TRMT11: variants seen among roughly 807,000 people sequenced by gnomAD.
TRMT11 encodes tRNA methyltransferase 11.
Under a neutral mutation model 62.8 loss-of-function variants are expected in TRMT11, and 53 were observed. The ratio of observed to expected loss-of-function variants is 0.84; its 90% CI spans 0.68 to 1.06. The LOEUF is 1.06. TRMT11 is among the 50% of genes least tolerant of loss of function. TRMT11 has a pLI of 0.00. For missense variants in TRMT11, 556 were observed against 553.4 expected (o/e 1.00, Z -0.05); for synonymous variants, 188 against 190.3 (o/e 0.99, Z 0.10).
intron 1 of TRMT11, among the ~76,000 whole-genome samples, chr6:126,179,975 A>G (rs1157144130): frequency 2.0e-5 from 3 of 152,180 alleles, no homozygotes; most frequent in Non-Finnish European, 2.9e-5. Flanking sequence ...CAGTTTCTAT[A>G]TAAGAAAGGA....
In TRMT11 at chr6:126,079,524, G is replaced by A. The variant is rs1044827080; in HGVS notation, c.*1437+26334G>A. On this transcript the variant is annotated intron_variant and NMD_transcript_variant, in intron 17 of 22. Transcript: ENST00000648977. ...AAGATATCTTCTTCACTAAGACTTCGATTTTTAAAAATTTTATTTCTTGTT... is the reference window on the plus strand; with the variant it reads ...AAGATATCTTCTTCACTAAGACTTCAATTTTTAAAAATTTTATTTCTTGTT... Among the ~76,000 whole-genome samples, 3 of 152,090 alleles carry A rather than the reference G, an allele frequency of 2.0e-5. 1 individual carries two copies. The highest frequency in any genetic ancestry group is 7.2e-5 in the African/African-American group (3 of 41,412).
chr6:126,174,992 G>C (rs1445486301), upstream of TRMT11, among the ~76,000 whole-genome samples: 1 of 152,182 alleles, frequency 6.6e-6, no homozygotes, highest in Non-Finnish European at 1.5e-5. Context: ...GTATCAAAAG[G>C]AGCATATTGT....
intron 21 of TRMT11, among the ~76,000 whole-genome samples, chr6:126,137,558 G>A (rs1583886026): frequency 6.6e-6 from 1 of 151,682 alleles, no homozygotes. Context: ...GAAAACAGTA[G>A]GAGGTTCCTC....
intron 3 of TRMT11, among the ~76,000 whole-genome samples, chr6:125,997,536 A>G (rs1187420729): frequency 2.6e-5 from 4 of 152,250 alleles, no homozygotes; most frequent in African/African-American, 7.2e-5. Context: ...ATGACAGAGT[A>G]TCACTCTGTT....
At chr6:126,199,973 T>C (rs943629501) in intron 3 of TRMT11, 2 of 152,124 alleles carry the variant, frequency 1.3e-5, no homozygotes, top group Non-Finnish European at 2.9e-5. Flanking sequence ...AATGCACTGA[T>C]GGGTAACATG....
intron 1 of TRMT11, among the ~76,000 whole-genome samples, chr6:126,178,485 T>A (rs1300928371): frequency 6.6e-6 from 1 of 152,192 alleles, no homozygotes; most frequent in Non-Finnish European, 1.5e-5. Context: ...AGAGTCTACC[T>A]CCCAGGGAAA....
chr6:126,229,733 C>T, the TRMT11 span, among the ~76,000 whole-genome samples: 3 of 152,148 alleles, frequency 2.0e-5, no homozygotes, highest in African/African-American at 7.2e-5. Context: ...TTCTTTCCTA[C>T]CTTAGTCGGC....
chr6:126,238,051 G>A, the TRMT11 span, among the ~76,000 whole-genome samples: 1 of 152,034 alleles, frequency 6.6e-6, no homozygotes, highest in East Asian at 1.9e-4. Flanking sequence ...TGGGATCGGT[G>A]GTGATATCCC....
intron 17 of TRMT11, among the ~76,000 whole-genome samples, chr6:126,107,927 G>A (rs1347463961): frequency 1.3e-5 from 2 of 152,236 alleles, no homozygotes; most frequent in South Asian, 2.1e-4. Context: ...GTTTGGCATA[G>A]GGTGCCAAGG....
chr6:126,236,185 T>C, the TRMT11 span, among the ~76,000 whole-genome samples: 1 of 152,230 alleles, frequency 6.6e-6, no homozygotes, highest in Non-Finnish European at 1.5e-5. Flanking sequence ...AGATAGCACA[T>C]AGAATGGAAA....
chr6:126,148,229 A>T (rs1777996345), intron 21 of TRMT11, among the ~76,000 whole-genome samples: 1 of 152,154 alleles, frequency 6.6e-6, no homozygotes. Flanking sequence ...CAGGTCTCTG[A>T]CCAGAAGACC....
chr6:125,996,156 C>A (rs758894780), intron 3 of TRMT11, 116 bp downstream of exon 3: 24 of 621,654 alleles, frequency 3.9e-5, no homozygotes, highest in Non-Finnish European at 6.1e-5. Flanking sequence ...CAGTTACATA[C>A]AACTGCCACT....
chr6:126,158,830 C>G (rs138262265), intron 21 of TRMT11, among the ~76,000 whole-genome samples: 8 of 152,288 alleles, frequency 5.3e-5, no homozygotes, highest in Non-Finnish European at 1.0e-4. Context: ...TCACCAGTTA[C>G]TGTGGGAAGT....
chr6:126,003,098 C>T (rs183857574), intron 7 of TRMT11, among the ~76,000 whole-genome samples: 28 of 152,142 alleles, frequency 1.8e-4, no homozygotes, highest in Admixed American at 1.2e-3. Context: ...TTTACAGTTA[C>T]AAATAATGCT....
chr6:126,036,713 T>A (rs1463355137), intron 12 of TRMT11, among the ~76,000 whole-genome samples: 1 of 152,104 alleles, frequency 6.6e-6, no homozygotes, highest in Non-Finnish European at 1.5e-5. Flanking sequence ...TAGGAAGTGA[T>A]CAAGTTTTCT....
rs568857873 is a variant in TRMT11, at chr6:126,053,352, C to T, written c.*1437+162C>T. Among the ~76,000 whole-genome samples the T allele has an allele frequency of 5.3e-5, 8 of 152,304 alleles. No individual in the cohort carries two copies. The South Asian group carries it at 1.2e-3, about 24-fold the overall frequency. ...TTGCTGACCCTGGAGAGACCAGAAC[C>T]AGCCAATTCCTAGAGATAAAGGTTT... On this transcript the variant is annotated intron_variant and NMD_transcript_variant, in intron 17 of 22. Coordinates refer to the TRMT11 transcript ENST00000648977.
At chr6:126,080,111 G>GT (rs1316373338) in intron 17 of TRMT11, among the ~76,000 whole-genome samples, 1 of 151,850 alleles carries the variant, frequency 6.6e-6, no homozygotes, top group Non-Finnish European at 1.5e-5. Context: ...TGTTGTTGTT[G>GT]TTTTTTTAGA....
At chr6:126,203,656 A>G (rs1359042117), downstream of TRMT11, among the ~76,000 whole-genome samples, 1 of 152,210 alleles carries the variant, frequency 6.6e-6, no homozygotes, top group South Asian at 2.1e-4. Flanking sequence ...GCTGTTACGT[A>G]CAAGCATGTT....
At chr6:126,261,239 CTG>C in the TRMT11 span, among the ~76,000 whole-genome samples, 1 of 152,190 alleles carries the variant, frequency 6.6e-6, no homozygotes, top group South Asian at 2.1e-4. Flanking sequence ...ATTTCATTAA[CTG>C]ATTTTTTTCA....
Sources: gnomAD v4.1 joint callset for allele counts (sites outside exome capture counted in the v4.1 genomes callset) on GRCh38, gnomAD v4.1.1 for gene constraint, MANE v1.5 for transcripts, NCBI Gene and HGNC (gene_info 2026-07-23, HGNC 2026-07-21) for gene names.